The following BLACAT1 variants were observed in gnomAD, a reference collection of about 807,000 sequenced individuals.
BLACAT1 encodes BLACAT1 overlapping LEMD1 locus, also known as bladder cancer associated transcript 1.
chr1:205,438,392 C>T (rs1666240414), downstream of BLACAT1, among the ~76,000 whole-genome samples: 1 of 152,198 alleles, frequency 6.6e-6, no homozygotes, highest in African/African-American at 2.4e-5. Flanking sequence ...GCAGCCAGGC[C>T]AACCCTAGAA....
At chr1:205,437,108 T>C (rs1172664637), downstream of BLACAT1, 1 of 152,512 alleles carries the variant, frequency 6.6e-6, no homozygotes, top group Non-Finnish European at 1.5e-5. Context: ...AAAATGCATA[T>C]TCAGTCTGTA....
intron 1 of BLACAT1, among the ~76,000 whole-genome samples, chr1:205,443,725 G>A (rs1666335503): frequency 6.6e-6 from 1 of 152,214 alleles, no homozygotes. Flanking sequence ...ACTGTAAGGT[G>A]CACAACTCCA....
In BLACAT1 at chr1:205,443,922, G is replaced by C. The variant is rs1254495831; in HGVS notation, c.-36-2860C>G. Reference sequence around the variant, plus strand: ...GTCCCTCTGCCAGGCTGTGGTCTCTGCTCCTCTCTGCTTTGCTCGAGCAGG... The same window carrying C: ...GTCCCTCTGCCAGGCTGTGGTCTCTCCTCCTCTCTGCTTTGCTCGAGCAGG... On this transcript the variant is annotated intron_variant, in intron 1 of 1. Coordinates refer to ENST00000629624, the Ensembl canonical transcript of BLACAT1. Among the ~76,000 whole-genome samples, 3 of 152,110 alleles carry C rather than the reference G, an allele frequency of 2.0e-5. No individual in the cohort carries two copies. The East Asian group carries it at 5.8e-4, about 29-fold the overall frequency.
intron 1 of BLACAT1, among the ~76,000 whole-genome samples, chr1:205,454,984 C>G (rs769974253): frequency 1.3e-5 from 2 of 152,142 alleles, no homozygotes; most frequent in Admixed American, 6.5e-5. Flanking sequence ...GAATGTTGGT[C>G]GGAAGGGAGG....
At position 205,448,788 on chromosome 1, in the gene BLACAT1, G is replaced by T. The variant is rs1305707427; in HGVS notation, c.-37+7129C>A. The stretch of plus-strand genomic sequence containing the variant: ...CTGCTGCCAGTACCCAGGATGGGGG[G>T]CCCCAGGTTAGGCTCCCTCTTTACA... On this transcript the variant is annotated intron_variant, in intron 1 of 1. Coordinates refer to ENST00000629624, the Ensembl canonical transcript of BLACAT1. This position sits in a 1 kb window ranked among gnomAD's most constrained non-coding sequence, Gnocchi z 4.7. 1.3e-5 allele frequency among the ~76,000 whole-genome samples: 2 copies of T among 152,276 alleles called. No individual in the cohort carries two copies. The highest frequency in any genetic ancestry group is 1.3e-4 in the Admixed American group (2 of 15,302).
chr1:205,436,213 A>C (rs1575005894), downstream of BLACAT1: 1 of 151,976 alleles, frequency 6.6e-6, no homozygotes, highest in African/African-American at 2.4e-5. Context: ...CACGAGGAAA[A>C]CCCTTGAACT....
intron 1 of BLACAT1, among the ~76,000 whole-genome samples, chr1:205,445,471 G>A (rs981091036): frequency 2.6e-5 from 4 of 152,214 alleles, no homozygotes; most frequent in African/African-American, 9.6e-5. Context: ...CTGGCTCACC[G>A]AGCTCTCTGG....
chr1:205,439,690 G>C (rs1450401072), downstream of BLACAT1, among the ~76,000 whole-genome samples: 3 of 152,320 alleles, frequency 2.0e-5, no homozygotes, highest in South Asian at 6.2e-4. Flanking sequence ...GAGGGGGTCT[G>C]ACTTTGCTCC....
intron 1 of BLACAT1, among the ~76,000 whole-genome samples, chr1:205,443,951 C>T (rs1464600015): frequency 6.6e-6 from 1 of 152,164 alleles, no homozygotes; most frequent in African/African-American, 2.4e-5. Context: ...GAGCAGGAGT[C>T]CTGTCGACTC....
At chr1:205,443,279 G>A (rs1227190512) in intron 1 of BLACAT1, among the ~76,000 whole-genome samples, 4 of 152,180 alleles carry the variant, frequency 2.6e-5, no homozygotes, top group South Asian at 2.1e-4. Context: ...CAGGGTCTCT[G>A]GCCCCAGAGT....
chr1:205,452,663 G>A (rs1421298839), intron 1 of BLACAT1, among the ~76,000 whole-genome samples: 1 of 152,216 alleles, frequency 6.6e-6, no homozygotes, highest in Non-Finnish European at 1.5e-5. Context: ...CTACGTTGGA[G>A]CTTACTCATC....
exon 2 of BLACAT1, among the ~76,000 whole-genome samples, chr1:205,440,010 C>T (rs7538715): frequency 0.88 from 133,421 of 151,934 alleles, 59,574 homozygotes; most frequent in East Asian, 0.99. Context: ...GAGGTCCCCC[C>T]ACCCTAAGAG....
chr1:205,455,927 C>T (rs1666557203), exon 1 of BLACAT1: 1 of 152,294 alleles, frequency 6.6e-6, no homozygotes. Flanking sequence ...AGTTTAGATG[C>T]TAAGCCGGCT....
intron 1 of BLACAT1, among the ~76,000 whole-genome samples, chr1:205,451,865 A>G (rs566517134): frequency 8.7e-4 from 133 of 152,260 alleles, no homozygotes; most frequent in Non-Finnish European, 1.7e-3. Context: ...ACTGAGGTTG[A>G]TGGAGGCTAC....
In BLACAT1 at chr1:205,443,957, G is replaced by A. The variant is rs942308172; in HGVS notation, c.-36-2895C>T. The stretch of plus-strand genomic sequence containing the variant: ...GCTTTGCTCGAGCAGGAGTCCTGTC[G>A]ACTCTCTTCCCTGACTTTACCCCTT... On this transcript the variant is annotated intron_variant, in intron 1 of 1. Coordinates refer to ENST00000629624, the Ensembl canonical transcript of BLACAT1. Among the ~76,000 whole-genome samples the A allele has an allele frequency of 3.3e-5, 5 of 152,228 alleles. No homozygotes were observed. In the East Asian group the frequency reaches 5.8e-4, roughly 18 times the overall value.
intron 1 of BLACAT1, among the ~76,000 whole-genome samples, chr1:205,452,426 G>A (rs534562746): frequency 6.6e-6 from 1 of 152,306 alleles, no homozygotes; most frequent in South Asian, 2.1e-4. Context: ...GGCAAACTGG[G>A]CTCAGTCCAA....
rs1666481550 is a variant in BLACAT1 at position 205,450,498 on chromosome 1, C to G, written c.-37+5419G>C. ...CTGGTTCCTCTCCTCACCCATACCC[C>G]TATTCTGCTCCCACCACTCCCCTGC... On this transcript the variant is annotated intron_variant, in intron 1 of 1. Transcript: ENST00000629624. This position sits in a 1 kb window ranked among gnomAD's most constrained non-coding sequence, Gnocchi z 4.4. Among the ~76,000 whole-genome samples the G allele has an allele frequency of 6.6e-6, 1 of 151,544 alleles. No individual in the cohort carries two copies. The highest frequency in any genetic ancestry group is 1.5e-5 in the Non-Finnish European group (1 of 67,838).
chr1:205,439,587 G>A (rs1329227949), downstream of BLACAT1, among the ~76,000 whole-genome samples: 1 of 152,214 alleles, frequency 6.6e-6, no homozygotes, highest in Non-Finnish European at 1.5e-5. Context: ...CCAAGGAAAG[G>A]GGAGCCCTGA....
chr1:205,449,173 G>A (rs1331193963), intron 1 of BLACAT1, among the ~76,000 whole-genome samples: 2 of 152,316 alleles, frequency 1.3e-5, no homozygotes, highest in Middle Eastern at 3.4e-3. Flanking sequence ...AGGACATGGG[G>A]GTTAGCACAG....
Sources: allele counts gnomAD v4.1 joint callset (sites outside exome capture counted in the v4.1 genomes callset), GRCh38; gene constraint gnomAD v4.1.1; non-coding constraint Gnocchi (gnomAD v3.1); transcripts MANE v1.5; gene names NCBI Gene and HGNC (gene_info 2026-07-23, HGNC 2026-07-21).